TMEM163: variants seen among roughly 807,000 people sequenced by gnomAD.
The protein encoded by TMEM163 is transmembrane protein 163.
TMEM163 carries 17 observed loss-of-function variants against 29.3 expected under a neutral mutation model. That is an observed-to-expected ratio of 0.58 (90% CI 0.40 to 0.87). The LOEUF (loss-of-function observed/expected upper bound fraction) is 0.87, where lower values mean the gene tolerates loss of function less well. TMEM163 is among the 40% of genes least tolerant of loss of function. The probability of loss-of-function intolerance (pLI) is 0.00; values close to 1 mark genes in which losing one functional copy is unlikely to be tolerated. For missense variants in TMEM163, 303 were observed against 381.5 expected (o/e 0.79, Z 1.71); for synonymous variants, 157 against 160.6 (o/e 0.98, Z 0.17).
rs1208039041 is a variant in TMEM163, at chr2:134,456,698, T to C, written c.*18A>G. 4.3e-6 allele frequency: 7 copies of C among 1,613,898 alleles called. No individual in the cohort carries two copies. The highest frequency in any genetic ancestry group is 5.1e-6 in the Non-Finnish European group (6 of 1,179,966). On this transcript the variant is annotated 3_prime_UTR_variant, in exon 8 of 8. Transcript: ENST00000281924. ...GAAACTCCTCATCTCGATGGTCTCA[T>C]GCGGATGCTGGCCCCCTTCACTCAA...
At chr2:134,528,897 T>C (rs1429885046) in intron 4 of TMEM163, among the ~76,000 whole-genome samples, 1 of 152,202 alleles carries the variant, frequency 6.6e-6, no homozygotes, top group Non-Finnish European at 1.5e-5. Flanking sequence ...TTAATAACGG[T>C]GCATCAATAA....
chr2:134,589,735 A>G (rs116274818), intron 2 of TMEM163, among the ~76,000 whole-genome samples: 2,388 of 152,322 alleles, frequency 0.016, 74 homozygotes, highest in African/African-American at 0.054. Context: ...CTGCCAATGG[A>G]GTAGCCATTC....
intron 2 of TMEM163, among the ~76,000 whole-genome samples, chr2:134,601,734 C>T (rs1682240942): frequency 6.6e-6 from 1 of 152,096 alleles, no homozygotes; most frequent in Non-Finnish European, 1.5e-5. Flanking sequence ...AGAACGCCAC[C>T]CTGGGAACAT....
At chr2:134,572,544 GTCTA>G (rs565113764) in intron 2 of TMEM163, among the ~76,000 whole-genome samples, 225 of 152,256 alleles carry the variant, frequency 1.5e-3, no homozygotes, top group African/African-American at 5.3e-3. Flanking sequence ...CTTAGAGATG[GTCTA>G]TCTATTTCAA....
chr2:134,478,076 C>A (rs1686960558), intron 5 of TMEM163, among the ~76,000 whole-genome samples: 1 of 152,188 alleles, frequency 6.6e-6, no homozygotes, highest in Admixed American at 6.5e-5. Context: ...TGTTCCCACT[C>A]TTGCTACTGC....
At chr2:134,703,774 TAA>T (rs1684750284) in intron 2 of TMEM163, among the ~76,000 whole-genome samples, 1 of 141,958 alleles carries the variant, frequency 7.0e-6, no homozygotes, top group Non-Finnish European at 1.5e-5. Flanking sequence ...GAGGGGGAAA[TAA>T]GAGAGAGGGA....
At chr2:134,678,317 C>T (rs1399627416) in intron 2 of TMEM163, among the ~76,000 whole-genome samples, 2 of 152,168 alleles carry the variant, frequency 1.3e-5, no homozygotes, top group Non-Finnish European at 2.9e-5. Flanking sequence ...GCTGTTGAGC[C>T]TCAAGGTCAA....
In TMEM163 at chr2:134,655,620, C is replaced by T. The variant is rs1166600476; in HGVS notation, c.322+57580G>A. On this transcript the variant is annotated intron_variant, in intron 2 of 7. Coordinates refer to ENST00000281924, the MANE Select transcript of TMEM163 (RefSeq NM_030923.5). ...CTGCATTCCTTTGGAGGAGGAGAGG[C>T]GCTCTGCATTTTAGAGTTTCCAGTT... is the stretch of plus-strand genomic sequence containing the variant. Among the ~76,000 whole-genome samples the T allele has an allele frequency of 6.0e-4, 85 of 141,334 alleles. 3 individuals carry two copies. Among genetic ancestry groups the T allele is most frequent in the African/African-American group, 2.0e-3 (70 of 34,166 alleles). 92.7% of individuals were successfully genotyped at this position (141,334 alleles called of 152,430 possible). A position where few individuals can be genotyped will look rare whatever the true frequency, so the allele number is the denominator to read the frequency against.
At chr2:134,546,576 G>A (rs994717381) in intron 4 of TMEM163, among the ~76,000 whole-genome samples, 9 of 151,450 alleles carry the variant, frequency 5.9e-5, no homozygotes, top group African/African-American at 1.9e-4. Context: ...CCCGGGAGGC[G>A]GAGCTTGCAG....
intron 2 of TMEM163, among the ~76,000 whole-genome samples, chr2:134,557,945 TATTTTCTAC>T (rs1390110961): frequency 5.3e-5 from 8 of 152,200 alleles, no homozygotes; most frequent in Non-Finnish European, 1.2e-4. Flanking sequence ...TCCTGAGATT[TATTTTCTAC>T]ATTTTCTACA....
chr2:134,635,303 A>G (rs1683079365), intron 2 of TMEM163, among the ~76,000 whole-genome samples: 1 of 152,148 alleles, frequency 6.6e-6, no homozygotes. Flanking sequence ...CGGCTCTTCT[A>G]TCTGTTGGCT....
chr2:134,487,613 A>T (rs1679342204), intron 5 of TMEM163, among the ~76,000 whole-genome samples: 1 of 152,250 alleles, frequency 6.6e-6, no homozygotes, highest in Non-Finnish European at 1.5e-5. Context: ...AAAATCCAAG[A>T]AAAGATGGTG....
Position 134,682,709 on chromosome 2 carries a change from C to T in TMEM163, c.322+30491G>A, listed in dbSNP as rs1051848777. Among the ~76,000 whole-genome samples the T allele has an allele frequency of 3.9e-5, 6 of 152,192 alleles. No individual in the cohort carries two copies. In the South Asian group the frequency reaches 1.2e-3, roughly 31 times the overall value. On this transcript the variant is annotated intron_variant, in intron 2 of 7. Transcript: ENST00000281924. ...TTACTGCCGGGAATACAAAATGGTG[C>T]AGCCACTTTGGAGGACAGTTTGGCA...
intron 2 of TMEM163, among the ~76,000 whole-genome samples, chr2:134,600,859 G>A (rs1682212868): frequency 6.6e-6 from 1 of 152,086 alleles, no homozygotes; most frequent in Non-Finnish European, 1.5e-5. Flanking sequence ...CTGGGCCCCA[G>A]CTCCCTCACC....
intron 2 of TMEM163, among the ~76,000 whole-genome samples, chr2:134,553,083 G>A (rs1450939628): frequency 6.6e-6 from 1 of 152,164 alleles, no homozygotes; most frequent in Non-Finnish European, 1.5e-5. Flanking sequence ...CAGATCTCCA[G>A]AAGAAAGCCA....
chr2:134,680,842 G>A (rs1684215069), intron 2 of TMEM163, among the ~76,000 whole-genome samples: 1 of 152,176 alleles, frequency 6.6e-6, no homozygotes, highest in African/African-American at 2.4e-5. Flanking sequence ...TCGTGGGCAA[G>A]TTACTAACCT....
intron 2 of TMEM163, among the ~76,000 whole-genome samples, chr2:134,622,115 ACT>A (rs1258613783): frequency 6.6e-6 from 1 of 152,170 alleles, no homozygotes; most frequent in Non-Finnish European, 1.5e-5. Flanking sequence ...TAAAAGGCAA[ACT>A]CTACAGAAAC....
rs146834245 is a variant in TMEM163 at position 134,636,156 on chromosome 2, T to G, written c.322+77044A>C. ...TGCCAGGACCTGGTCTAGCACTAAG[T>G]GCATTGTCAGGGCTGTGTCCACCAC... On this transcript the variant is annotated intron_variant, in intron 2 of 7. Transcript: ENST00000281924. Among the ~76,000 whole-genome samples, 7 of 152,216 alleles carry G rather than the reference T, an allele frequency of 4.6e-5. No individual in the cohort carries two copies. The East Asian group carries it at 1.4e-3, about 29-fold the overall frequency.
intron 2 of TMEM163, among the ~76,000 whole-genome samples, chr2:134,648,484 A>AGGGTG (rs1683390901): frequency 6.6e-6 from 1 of 152,100 alleles, no homozygotes; most frequent in Non-Finnish European, 1.5e-5. Flanking sequence ...TCCAGGCTTG[A>AGGGTG]GGGTGGGGTG....
Sources: allele counts gnomAD v4.1 joint callset (sites outside exome capture counted in the v4.1 genomes callset), GRCh38; gene constraint gnomAD v4.1.1; transcripts MANE v1.5; gene names NCBI Gene and HGNC (gene_info 2026-07-23, HGNC 2026-07-21).